TIMM23B: variants seen among roughly 807,000 people sequenced by gnomAD.
TIMM23B encodes translocase of inner mitochondrial membrane 23 homolog B, also known as mitochondrial import inner membrane translocase subunit Tim23B.
TIMM23B carries 27 observed loss-of-function variants against 27.3 expected under a neutral mutation model. That is an observed-to-expected ratio of 0.99 (90% CI 0.73 to 1.36). TIMM23B has a LOEUF of 1.36. Among genes scored for constraint, TIMM23B ranks in the 40% most tolerant of loss-of-function variants. The probability of loss-of-function intolerance (pLI) is 0.00; values close to 1 mark genes in which losing one functional copy is unlikely to be tolerated. For synonymous variants in TIMM23B, 73 were observed against 92.4 expected (o/e 0.79, Z 1.21); for missense variants, 205 against 244.2 (o/e 0.84, Z 1.07).
At chr10:49,969,745 GCTCTCCCTCTCA>G (rs1278914779) in intron 6 of TIMM23B, among the ~76,000 whole-genome samples, 1 of 151,422 alleles carries the variant, frequency 6.6e-6, no homozygotes, top group African/African-American at 2.4e-5. Flanking sequence ...GAAAATTCTG[GCTCTCCCTCTCA>G]CTCTCCCTCT....
At chr10:49,956,426 CGTGTGTGTGTGTGTGTGTGT>C (rs1173703740) in intron 5 of TIMM23B, among the ~76,000 whole-genome samples, 5 of 113,964 alleles carry the variant, frequency 4.4e-5, no homozygotes, top group Admixed American at 2.7e-4. Context: ...ACTAGAAATA[CGTGTGTGTGTGTGTGTGTGT>C]GTGTGTGTGT....
intron 2 of TIMM23B, among the ~76,000 whole-genome samples, chr10:49,948,541 AAAG>A (rs1377133071): frequency 6.6e-6 from 1 of 152,256 alleles, no homozygotes; most frequent in Non-Finnish European, 1.5e-5. Context: ...GGTAATAAAA[AAAG>A]AACTATTAAA....
intron 6 of TIMM23B, among the ~76,000 whole-genome samples, chr10:49,964,804 A>G (rs1443350290): frequency 8.6e-5 from 13 of 151,792 alleles, no homozygotes; most frequent in African/African-American, 3.2e-4. Context: ...TGAAATGAAG[A>G]AATAATGAAA....
At chr10:49,956,648 C>T (rs1209419227) in intron 5 of TIMM23B, among the ~76,000 whole-genome samples, 1 of 145,880 alleles carries the variant, frequency 6.9e-6, no homozygotes, top group Non-Finnish European at 1.5e-5. Context: ...GCACATGTCC[C>T]TGATTTACTT....
In TIMM23B at chr10:49,945,088, C is replaced by G; in HGVS notation, c.163C>G (p.Gln55Glu). ...YLNVDPRYLV[Q>E]DTDEFILPTG... is the part of the protein sequence containing the mutation. ...AAATGTGGATCCACGATACCTCGTG[C>G]AGGTAAGACTAAGATTTTACTAGTT... The change falls in exon 2 of 7, where the codon CAG (glutamine) becomes GAG (glutamate). Residue 55 changes from glutamine to glutamate, a missense_variant and splice_region_variant. By Grantham distance (29) the Gln-to-Glu change is conservative (BLOSUM62 2). Transcript: ENST00000651259. The G allele has an allele frequency of 6.2e-7, 1 of 1,611,064 alleles. No individual in the cohort carries two copies. The highest frequency in any genetic ancestry group is 8.5e-7 in the Non-Finnish European group (1 of 1,177,962).
intron 2 of TIMM23B, 52 bp downstream of exon 2, chr10:49,945,142 A>C: frequency 6.3e-7 from 1 of 1,594,746 alleles, no homozygotes; most frequent in Non-Finnish European, 8.6e-7. Flanking sequence ...TTTTTAAAAA[A>C]ACGCCAAGTG....
chr10:49,948,030 A>G (rs1440838469), intron 2 of TIMM23B, among the ~76,000 whole-genome samples: 1 of 152,230 alleles, frequency 6.6e-6, no homozygotes, highest in Non-Finnish European at 1.5e-5. Context: ...TAATTTTTTT[A>G]ACTCTTGAAA....
At chr10:49,969,818 C>A (rs1554856132) in intron 6 of TIMM23B, among the ~76,000 whole-genome samples, 1 of 151,700 alleles carries the variant, frequency 6.6e-6, no homozygotes, top group Non-Finnish European at 1.5e-5. Context: ...CCCTCTCTTT[C>A]CATGGTCTCC....
chr10:49,958,318 A>T, intron 5 of TIMM23B, 52 bp from the exon 6 acceptor site: 1 of 1,387,168 alleles, frequency 7.2e-7, no homozygotes, highest in Non-Finnish European at 1.0e-6. Flanking sequence ...GTATATCATA[A>T]TATCACACTT....
chr10:49,952,492 G>A lies in TIMM23B; in HGVS notation c.303G>A (p.Lys101=). The change falls in exon 4 of 7, where the codon AAG becomes AAA. Residue 101 remains lysine, a synonymous_variant. Coordinates refer to ENST00000651259, the MANE Select transcript of TIMM23B (RefSeq NM_001290117.2). ...GAMNGLRLGL[K]ETQNMAWSKP... ...TGAATGGTCTTCGGCTAGGATTGAA[G>A]GAAACCCAGAACATGGCCTGGTCCA... The A allele has an allele frequency of 6.2e-7, 1 of 1,613,168 alleles. No individual in the cohort carries two copies. Among genetic ancestry groups the A allele is most frequent in the Non-Finnish European group, 8.5e-7 (1 of 1,179,494 alleles).
At chr10:49,970,990 T>C (rs1198440543) in intron 6 of TIMM23B, among the ~76,000 whole-genome samples, 6 of 152,086 alleles carry the variant, frequency 3.9e-5, no homozygotes, top group Admixed American at 3.9e-4. Context: ...CTAAGAAAAA[T>C]TCTTCTGCCT....
chr10:49,972,156 GTAT>G (rs1266996331), intron 6 of TIMM23B, among the ~76,000 whole-genome samples: 1 of 152,228 alleles, frequency 6.6e-6, no homozygotes, highest in Admixed American at 6.5e-5. Context: ...GGCCGAAGAA[GTAT>G]TATTTTTCAG....
chr10:49,942,416 T>C, intron 1 of TIMM23B, 116 bp downstream of exon 1: 1 of 1,535,030 alleles, frequency 6.5e-7, no homozygotes, highest in East Asian at 2.5e-5. Context: ...GTTTACAAGC[T>C]TAAGTACCAG....
At chr10:49,970,567 T>C (rs7906584) in intron 6 of TIMM23B, 148,979 of 155,180 alleles carry the variant, frequency 0.96, 71,799 homozygotes, top group East Asian at 1. Context: ...CAGCTGCCCC[T>C]TCTGAGAAGT....
In TIMM23B at chr10:49,942,117, T is replaced by C; in HGVS notation, c.-78T>C. 6.8e-7 allele frequency: 1 copy of C among 1,471,200 alleles called. No individual in the cohort carries two copies. The highest frequency in any genetic ancestry group is 9.1e-7 in the Non-Finnish European group (1 of 1,096,206). 91.1% of individuals were successfully genotyped at this position (1,471,200 alleles called of 1,614,324 possible). On this transcript the variant is annotated 5_prime_UTR_variant, in exon 1 of 7. Coordinates refer to ENST00000651259, the MANE Select transcript of TIMM23B (RefSeq NM_001290117.2). ...GCGCTGGCAACGCGGGGTTACCCGC[T>C]GTTATTGAGGAGTAACGGCCCAGCG...
At chr10:49,946,874 T>C (rs1291249456) in intron 2 of TIMM23B, among the ~76,000 whole-genome samples, 1 of 150,448 alleles carries the variant, frequency 6.6e-6, no homozygotes, top group Non-Finnish European at 1.5e-5. Flanking sequence ...AGAAAATAGA[T>C]TGGAGGACTT....
At chr10:49,943,099 A>G (rs1839208633) in intron 1 of TIMM23B, 1 of 152,250 alleles carries the variant, frequency 6.6e-6, no homozygotes, top group Non-Finnish European at 1.5e-5. Context: ...AGGAACAACA[A>G]CAACGAAATA....
chr10:49,958,688 A>G (rs1839801891), intron 6 of TIMM23B, among the ~76,000 whole-genome samples: 1 of 152,214 alleles, frequency 6.6e-6, no homozygotes, highest in South Asian at 2.1e-4. Flanking sequence ...CATTAGTATT[A>G]TAGTCACATG....
intron 6 of TIMM23B, among the ~76,000 whole-genome samples, chr10:49,964,514 A>G (rs1313293330): frequency 1.3e-5 from 2 of 152,130 alleles, no homozygotes; most frequent in Admixed American, 1.3e-4. Context: ...GCAGTGGCGC[A>G]CTCCAGCCTG....
Sources: gnomAD v4.1 joint callset for allele counts (sites outside exome capture counted in the v4.1 genomes callset) on GRCh38, gnomAD v4.1.1 for gene constraint, MANE v1.5 for transcripts, NCBI Gene and HGNC (gene_info 2026-07-23, HGNC 2026-07-21) for gene names.